Variants in TEKT5 observed in about 807,000 individuals in gnomAD.
The protein encoded by TEKT5 is tektin-5.
TEKT5 carries 52 observed loss-of-function variants against 48.7 expected under a neutral mutation model. That is an observed-to-expected ratio of 1.07 (90% CI 0.86 to 1.35). The LOEUF (loss-of-function observed/expected upper bound fraction) is 1.35. Among genes scored for constraint, TEKT5 ranks in the 40% most tolerant of loss-of-function variants. TEKT5 has a pLI of 0.00. For synonymous variants in TEKT5, 318 were observed against 267.6 expected (o/e 1.19, Z -1.84); for missense variants, 831 against 641.6 (o/e 1.30, Z -3.19).
At chr16:10,663,224 T>G (rs1898404598) in intron 5 of TEKT5, among the ~76,000 whole-genome samples, 1 of 152,132 alleles carries the variant, frequency 6.6e-6, no homozygotes, top group Non-Finnish European at 1.5e-5. Flanking sequence ...ACCCAACAGC[T>G]CTGAAAGCAG....
chr16:10,661,192 G>T (rs1033982899), intron 5 of TEKT5, among the ~76,000 whole-genome samples: 4 of 152,216 alleles, frequency 2.6e-5, no homozygotes, highest in Non-Finnish European at 1.5e-5. Flanking sequence ...GAGGGGCGGG[G>T]ATTTGGCCCT....
intron 6 of TEKT5, among the ~76,000 whole-genome samples, chr16:10,631,799 G>C (rs1196655472): frequency 2.6e-5 from 4 of 152,158 alleles, no homozygotes; most frequent in African/African-American, 9.7e-5. Flanking sequence ...TCCGGAGCTG[G>C]GAGAGTGGAA....
intron 6 of TEKT5, among the ~76,000 whole-genome samples, chr16:10,633,797 C>T (rs542483225): frequency 8.5e-5 from 13 of 152,220 alleles, no homozygotes; most frequent in South Asian, 2.1e-4. Context: ...CCTCCTGCCT[C>T]GGCCTTCCAA....
chr16:10,682,653 G>A (rs1898777173), intron 3 of TEKT5, among the ~76,000 whole-genome samples: 1 of 152,126 alleles, frequency 6.6e-6, no homozygotes, highest in Non-Finnish European at 1.5e-5. Context: ...AAGAAGGATG[G>A]GTAAGCACTT....
At chr16:10,691,934 C>A (rs185447252) in intron 1 of TEKT5, among the ~76,000 whole-genome samples, 174 of 128,576 alleles carry the variant, frequency 1.4e-3, no homozygotes, top group Non-Finnish European at 2.2e-3. Flanking sequence ...GGCAACAGAG[C>A]GAGAGTCCAT....
intron 5 of TEKT5, among the ~76,000 whole-genome samples, chr16:10,636,625 T>G (rs1567224500): frequency 6.6e-6 from 1 of 151,318 alleles, no homozygotes; most frequent in Admixed American, 6.6e-5. Context: ...TAATCTGAAA[T>G]AATCTCTAAG....
At chr16:10,675,767 T>C (rs962008009) in intron 5 of TEKT5, among the ~76,000 whole-genome samples, 192 bp downstream of exon 5, 8 of 152,122 alleles carry the variant, frequency 5.3e-5, no homozygotes, top group African/African-American at 1.7e-4. Context: ...AGATGGACTA[T>C]GGATGCTTAA....
intron 6 of TEKT5, among the ~76,000 whole-genome samples, chr16:10,632,069 A>G (rs1897848022): frequency 6.6e-6 from 1 of 152,124 alleles, no homozygotes; most frequent in Non-Finnish European, 1.5e-5. Context: ...AGCTGGGTGA[A>G]CTTCCCCATG....
rs561781586 is a variant in TEKT5, at chr16:10,675,311, G to T, written c.1086+648C>A. 5.3e-5 allele frequency among the ~76,000 whole-genome samples: 8 copies of T among 152,292 alleles called. No individual in the cohort carries two copies. The South Asian group carries it at 1.7e-3, about 32-fold the overall frequency. ...CATTTTATTCCTAGTGCCTAGCGCAGCATCTGGCACCCAGTGGGAATCTAA... is the reference window on the plus strand; with the variant it reads ...CATTTTATTCCTAGTGCCTAGCGCATCATCTGGCACCCAGTGGGAATCTAA... On this transcript the variant is annotated intron_variant, in intron 5 of 6. Transcript: ENST00000283025.
At chr16:10,647,631 G>C (rs1898091627) in intron 5 of TEKT5, among the ~76,000 whole-genome samples, 1 of 151,496 alleles carries the variant, frequency 6.6e-6, no homozygotes, top group African/African-American at 2.5e-5. Flanking sequence ...AGCCCACCTT[G>C]TCTCTTTCTT....
intron 1 of TEKT5, chr16:10,690,736 G>A: frequency 1.0e-6 from 1 of 985,400 alleles, no homozygotes; most frequent in South Asian, 4.7e-5. Context: ...AGAGAGGACA[G>A]GACAAGGGGC....
At chr16:10,645,066 C>T (rs1199066633) in intron 5 of TEKT5, among the ~76,000 whole-genome samples, 1 of 152,120 alleles carries the variant, frequency 6.6e-6, no homozygotes, top group Non-Finnish European at 1.5e-5. Context: ...ATGCTGGCAC[C>T]CTGACCTTGG....
chr16:10,673,456 G>A (rs1898584636), intron 5 of TEKT5, among the ~76,000 whole-genome samples: 1 of 152,050 alleles, frequency 6.6e-6, no homozygotes, highest in African/African-American at 2.4e-5. Flanking sequence ...CTGTCCTAGA[G>A]GATTAGTAGG....
chr16:10,692,602 A>C (rs1596424661), intron 1 of TEKT5: 1 of 152,066 alleles, frequency 6.6e-6, no homozygotes, highest in Non-Finnish European at 1.5e-5. Flanking sequence ...ACTTATCCAG[A>C]CCCCTTTGCA....
intron 1 of TEKT5, chr16:10,693,114 G>A (rs1021301463): frequency 6.6e-6 from 1 of 152,266 alleles, no homozygotes; most frequent in Non-Finnish European, 1.5e-5. Flanking sequence ...TTTGTTTTTT[G>A]AGATGGAGTC....
chr16:10,686,386 G>A (rs566643243), intron 3 of TEKT5, among the ~76,000 whole-genome samples: 216 of 152,070 alleles, frequency 1.4e-3, no homozygotes, highest in African/African-American at 5.0e-3. Context: ...GAACCCAGGA[G>A]GAGGAGGTTG....
chr16:10,661,267 T>G (rs186520435), intron 5 of TEKT5, among the ~76,000 whole-genome samples: 55 of 152,294 alleles, frequency 3.6e-4, no homozygotes, highest in South Asian at 8.3e-4. Context: ...CCCCCAAAGC[T>G]GTCCATCTCA....
chr16:10,658,178 A>T (rs756952575), intron 5 of TEKT5, among the ~76,000 whole-genome samples: 1 of 152,190 alleles, frequency 6.6e-6, no homozygotes, highest in Non-Finnish European at 1.5e-5. Flanking sequence ...GTGGAAGTCA[A>T]TATTTGTCAA....
Position 10,694,498 on chromosome 16 carries a change from T to C in TEKT5, c.376A>G (p.Lys126Glu). The C allele has an allele frequency of 6.2e-7, 1 of 1,613,374 alleles. No homozygotes were observed. The highest frequency in any genetic ancestry group is 8.5e-7 in the Non-Finnish European group (1 of 1,179,658). Residue 126 changes from lysine to glutamate, a missense_variant, in exon 1 of 7, where the codon AAG becomes GAG. Physicochemically the swap from Lys to Glu is moderately conservative, Grantham distance 56 (BLOSUM62 1). Coordinates refer to ENST00000283025, the MANE Select transcript of TEKT5 (RefSeq NM_144674.2). ...TGCATCTGGTGCGTCAGCTGGTCCT[T>C]GTCCTGCAAGAGCCTCATGGAGTCA... Reference protein sequence around the residue: ...TDDSMRLLQDKDQLTHQMQEG... With the variant: ...TDDSMRLLQDEDQLTHQMQEG...
Sources: allele counts gnomAD v4.1 joint callset (sites outside exome capture counted in the v4.1 genomes callset), GRCh38; gene constraint gnomAD v4.1.1; transcripts MANE v1.5; gene names NCBI Gene and HGNC (gene_info 2026-07-23, HGNC 2026-07-21).